PDCD10: variants seen among roughly 807,000 people sequenced by gnomAD.
The protein encoded by PDCD10 is programmed cell death 10.
In PDCD10, 4 loss-of-function variants were observed where a neutral mutation model predicts 29.2. That is an observed-to-expected ratio of 0.14 (90% CI 0.07 to 0.31). PDCD10 has a LOEUF of 0.31. PDCD10 is among the 10% of genes least tolerant of loss of function. PDCD10 has a pLI of 1.00. For synonymous variants in PDCD10, 70 were observed against 82.2 expected, an observed-to-expected ratio of 0.85 and a Z score of 0.80; for missense variants, 183 against 257.9, an observed-to-expected ratio of 0.71 and a Z score of 1.99.
chr3:167,704,580 T>C lies in PDCD10; in HGVS notation c.150+262A>G, dbSNP rs1721782169. On this transcript the variant is annotated intron_variant, in intron 4 of 8. Transcript: ENST00000392750. ...AGAAAAAAAAAAAAACCCTCAAAAA[T>C]ATAATCTACAGCTAAGGAGAGAACA... 1.4e-5 allele frequency: 4 copies of C among 278,144 alleles called. No homozygotes were observed. In the South Asian group the frequency reaches 2.0e-4, roughly 14 times the overall value. The allele number at this position is 278,144 out of a possible 1,614,324, so 17.2% of individuals were successfully genotyped here.
In PDCD10 at chr3:167,684,342, T is replaced by A; in HGVS notation, c.605A>T (p.Asn202Ile). ...VSANRLIHQT[N>I]LILQTFKTVA is the part of the protein sequence containing the mutation. ...AGTTTTGAAGGTCTGAAGTATTAAG[T>A]TGGTTTGATGAATTAGTCGGTTGGC... Residue 202 changes from asparagine (N) to isoleucine (I), a missense_variant, in exon 9 of 9, where the codon AAC (asparagine) becomes ATC (isoleucine). Transcript: ENST00000392750. The A allele has an allele frequency of 1.2e-6, 2 of 1,607,128 alleles. No homozygotes were observed. The highest frequency in any genetic ancestry group is 8.5e-7 in the Non-Finnish European group (1 of 1,173,934).
At chr3:167,697,569 T>G (rs1240815400) in intron 4 of PDCD10, among the ~76,000 whole-genome samples, 1 of 152,186 alleles carries the variant, frequency 6.6e-6, no homozygotes, top group African/African-American at 2.4e-5. Context: ...TTTCCATTTA[T>G]ATTAAGAGAA....
chr3:167,698,996 A>C (rs1438290717), intron 4 of PDCD10, among the ~76,000 whole-genome samples: 1 of 152,186 alleles, frequency 6.6e-6, no homozygotes, highest in East Asian at 1.9e-4. Context: ...CTTAGGTCTA[A>C]ACAACTTAAT....
In PDCD10 at chr3:167,702,425, T is replaced by C. The variant is rs191246724; in HGVS notation, c.150+2417A>G. On this transcript the variant is annotated intron_variant, in intron 4 of 8. Transcript: ENST00000392750. The stretch of plus-strand genomic sequence containing the variant: ...CTTTAAGAATACAGTATGTAATATA[T>C]AGGATACACAAAACATATGTTAATC... Among the ~76,000 whole-genome samples the C allele has an allele frequency of 4.9e-3, 752 of 152,308 alleles. 6 individuals carry two copies. Among genetic ancestry groups the C allele is most frequent in the African/African-American group, 0.017 (705 of 41,548 alleles).
chr3:167,731,945 T>C (rs1481132914), intron 2 of PDCD10, among the ~76,000 whole-genome samples: 2 of 152,062 alleles, frequency 1.3e-5, no homozygotes, highest in African/African-American at 2.4e-5. Context: ...AGACGGAATA[T>C]GTAAAGGCCA....
chr3:167,687,773 GAAATT>G, intron 6 of PDCD10, 80 bp from the exon 7 acceptor site: 1 of 769,502 alleles, frequency 1.3e-6, no homozygotes, highest in South Asian at 1.4e-5. Flanking sequence ...ACATTTGAAA[GAAATT>G]AAGTACACTC....
intron 6 of PDCD10, among the ~76,000 whole-genome samples, chr3:167,688,875 TTC>T (rs1381054123): frequency 6.6e-6 from 1 of 152,220 alleles, no homozygotes; most frequent in Non-Finnish European, 1.5e-5. Flanking sequence ...GTGTCCAGGT[TTC>T]TGTGTGCATG....
intron 4 of PDCD10, among the ~76,000 whole-genome samples, chr3:167,699,056 T>C (rs1255565305): frequency 6.6e-6 from 1 of 152,184 alleles, no homozygotes; most frequent in Non-Finnish European, 1.5e-5. Flanking sequence ...TACACATAAA[T>C]TGAAAAAAAC....
intron 2 of PDCD10, chr3:167,730,882 C>T (rs921411883): frequency 6.6e-6 from 1 of 152,036 alleles, no homozygotes. Context: ...ATATAAGTTC[C>T]TTTGAAACAA....
chr3:167,698,908 C>A (rs1577334793), intron 4 of PDCD10, among the ~76,000 whole-genome samples: 1 of 152,306 alleles, frequency 6.6e-6, no homozygotes, highest in South Asian at 2.1e-4. Context: ...ACAAAAGTCT[C>A]ACAAAGGTCC....
intron 4 of PDCD10, among the ~76,000 whole-genome samples, chr3:167,703,968 A>C (rs1199521133): frequency 1.3e-5 from 2 of 152,136 alleles, no homozygotes; most frequent in Non-Finnish European, 1.5e-5. Flanking sequence ...TTTAACTTGG[A>C]ACATATCTTG....
chr3:167,686,518 T>C (rs948768696), intron 8 of PDCD10, among the ~76,000 whole-genome samples: 1 of 152,228 alleles, frequency 6.6e-6, no homozygotes, highest in African/African-American at 2.4e-5. Flanking sequence ...TTTTAAAAAC[T>C]GTCCTCAAGT....
At chr3:167,720,530 C>G (rs1190245278) in intron 2 of PDCD10, among the ~76,000 whole-genome samples, 2 of 152,158 alleles carry the variant, frequency 1.3e-5, no homozygotes, top group Admixed American at 1.3e-4. Context: ...AACCTGAACT[C>G]AGAGAGCTCT....
At chr3:167,698,407 G>A (rs1721025508) in intron 4 of PDCD10, among the ~76,000 whole-genome samples, 1 of 152,108 alleles carries the variant, frequency 6.6e-6, no homozygotes, top group South Asian at 2.1e-4. Context: ...ATGGTGGGGT[G>A]TGGCTGTGGT....
intron 4 of PDCD10, 119 bp downstream of exon 4, chr3:167,704,722 CA>C: frequency 1.4e-6 from 1 of 708,650 alleles, no homozygotes; most frequent in Non-Finnish European, 2.6e-6. Flanking sequence ...TATAGTAAAA[CA>C]GGCATAAGAT....
intron 3 of PDCD10, among the ~76,000 whole-genome samples, chr3:167,714,026 G>A (rs114360311): frequency 0.013 from 1,994 of 152,020 alleles, 38 homozygotes; most frequent in African/African-American, 0.046. Context: ...TAGAGGAGGC[G>A]GGAATACTTC....
chr3:167,697,871 A>G, intron 4 of PDCD10: 1 of 454,752 alleles, frequency 2.2e-6, no homozygotes, highest in Non-Finnish European at 4.4e-6. Flanking sequence ...GTTAATCTTC[A>G]GATTTCAGTT....
intron 4 of PDCD10, among the ~76,000 whole-genome samples, chr3:167,699,362 T>C (rs1394314033): frequency 6.6e-6 from 1 of 152,218 alleles, no homozygotes; most frequent in Non-Finnish European, 1.5e-5. Context: ...AGTATCACTG[T>C]ACACCTTCAC....
Position 167,720,293 on chromosome 3 carries a change from G to A in PDCD10, c.-116-20C>T, listed in dbSNP as rs1723439856. 2 of 665,960 alleles carry A rather than the reference G, an allele frequency of 3.0e-6. No individual in the cohort carries two copies. Among genetic ancestry groups the A allele is most frequent in the Admixed American group, 4.6e-5 (2 of 43,604 alleles). The allele number at this position is 665,960 out of a possible 1,614,324, so 41.3% of individuals were successfully genotyped here. A position where few individuals can be genotyped will look rare whatever the true frequency, so the allele number is the denominator to read the frequency against. ...ACTGATCTGGTGAAAGAGGAAGAAA[G>A]AACAGAGACTTACTATATTAAGGAG... On this transcript the variant is annotated intron_variant, in intron 2 of 8. Transcript: ENST00000392750.
Sources: gnomAD v4.1 joint callset for allele counts (sites outside exome capture counted in the v4.1 genomes callset) on GRCh38, gnomAD v4.1.1 for gene constraint, MANE v1.5 for transcripts, NCBI Gene and HGNC (gene_info 2026-07-23, HGNC 2026-07-21) for gene names.